The following ASTN2 variants were observed in gnomAD, a reference collection of about 807,000 sequenced individuals.
ASTN2 encodes the protein astrotactin 2.
Under a neutral mutation model 139.8 loss-of-function variants are expected in ASTN2, and 54 were observed. The ratio of observed to expected loss-of-function variants is 0.39; its 90% CI spans 0.31 to 0.48. The LOEUF is 0.48. ASTN2 is among the 20% of genes least tolerant of loss of function. ASTN2 has a pLI of 0.95. For synonymous variants in ASTN2, 756 were observed against 719.5 expected, an observed-to-expected ratio of 1.05 and a Z score of -0.81; for missense variants, 1,565 against 1,725.1, an observed-to-expected ratio of 0.91 and a Z score of 1.64.
At chr9:116,753,844 G>T (rs1347027584) in intron 13 of ASTN2, among the ~76,000 whole-genome samples, 3 of 151,506 alleles carry the variant, frequency 2.0e-5, no homozygotes. Context: ...GAACGTGCAG[G>T]TTTGTTACAT....
chr9:116,460,729 T>G (rs1848462030), intron 20 of ASTN2, among the ~76,000 whole-genome samples: 1 of 152,082 alleles, frequency 6.6e-6, no homozygotes, highest in Non-Finnish European at 1.5e-5. Context: ...AGTTCTTTGT[T>G]TAAAGATGGT....
intron 1 of ASTN2, among the ~76,000 whole-genome samples, chr9:117,310,414 T>C (rs776738263): frequency 6.6e-6 from 1 of 152,150 alleles, no homozygotes; most frequent in African/African-American, 2.4e-5. Flanking sequence ...TTGGCGCTCG[T>C]CTTTCTAGTA....
chr9:116,803,397 C>A (rs991857054), intron 13 of ASTN2, among the ~76,000 whole-genome samples: 2 of 145,350 alleles, frequency 1.4e-5, no homozygotes, highest in African/African-American at 5.0e-5. Flanking sequence ...CTCACTGTAA[C>A]CTTGAATGGC....
intron 3 of ASTN2, among the ~76,000 whole-genome samples, chr9:117,204,290 C>T (rs1341007345): frequency 6.6e-6 from 1 of 152,164 alleles, no homozygotes; most frequent in East Asian, 1.9e-4. Flanking sequence ...AACTCCTGGC[C>T]TCATGTGATC....
chr9:116,456,176 T>C (rs761773192), intron 20 of ASTN2, among the ~76,000 whole-genome samples: 3 of 151,620 alleles, frequency 2.0e-5, no homozygotes, highest in Admixed American at 6.6e-5. Context: ...AGTTGTAGGA[T>C]ACAAAATCAA....
chr9:116,637,932 C>T (rs140121966), intron 17 of ASTN2, among the ~76,000 whole-genome samples: 74 of 152,160 alleles, frequency 4.9e-4, no homozygotes, highest in Non-Finnish European at 1.0e-3. Context: ...AGAGTGAGAC[C>T]TGGTCTCAAA....
Position 116,423,984 on chromosome 9 carries a change from T to C in ASTN2, c.*1867A>G, listed in dbSNP as rs1435882507. Among the ~76,000 whole-genome samples, 1 of 152,208 alleles carries C rather than the reference T, an allele frequency of 6.6e-6. No individual in the cohort carries two copies. Among genetic ancestry groups the C allele is most frequent in the Non-Finnish European group, 1.5e-5 (1 of 68,036 alleles). On this transcript the variant is annotated 3_prime_UTR_variant, in exon 23 of 23. Coordinates refer to ENST00000313400, the MANE Select transcript of ASTN2 (RefSeq NM_001365068.1). Reference sequence around the variant, plus strand: ...TGATATTCAGTATCTTTTCCTCTTCTGAAACCCCACAGTGCTACACTCTCT... The same window carrying C: ...TGATATTCAGTATCTTTTCCTCTTCCGAAACCCCACAGTGCTACACTCTCT...
chr9:116,631,907 A>G (rs1856762735), intron 17 of ASTN2, among the ~76,000 whole-genome samples: 1 of 151,964 alleles, frequency 6.6e-6, no homozygotes, highest in East Asian at 1.9e-4. Context: ...CAAGGTCAAG[A>G]GATGGAGACC....
intron 3 of ASTN2, chr9:117,197,377 G>T (rs1831540979): frequency 6.6e-6 from 1 of 152,178 alleles, no homozygotes; most frequent in African/African-American, 2.4e-5. Context: ...AACAATAGAG[G>T]GTTGCAAAGT....
intron 11 of ASTN2, among the ~76,000 whole-genome samples, chr9:116,835,397 A>C (rs1416443623): frequency 6.6e-6 from 1 of 152,212 alleles, no homozygotes; most frequent in Non-Finnish European, 1.5e-5. Flanking sequence ...CTTTGTAGGG[A>C]AAATTTTGCA....
chr9:116,508,922 C>A (rs1850233395), intron 19 of ASTN2, among the ~76,000 whole-genome samples: 1 of 152,154 alleles, frequency 6.6e-6, no homozygotes, highest in African/African-American at 2.4e-5. Context: ...CAGGTGTCAC[C>A]ATCCAGGTGG....
chr9:116,520,681 G>A (rs1850831429), intron 19 of ASTN2, among the ~76,000 whole-genome samples: 1 of 152,002 alleles, frequency 6.6e-6, no homozygotes, highest in African/African-American at 2.4e-5. Flanking sequence ...GAAATACAGG[G>A]CATCAAATTG....
intron 1 of ASTN2, among the ~76,000 whole-genome samples, chr9:117,337,000 AT>A (rs1828907427): frequency 6.6e-6 from 1 of 152,230 alleles, no homozygotes. Context: ...GCATGAATAA[AT>A]AAGTCACCTA....
intron 4 of ASTN2, among the ~76,000 whole-genome samples, chr9:117,108,219 TTCC>T (rs1456634778): frequency 2.6e-5 from 4 of 152,156 alleles, no homozygotes. Flanking sequence ...GCCCTTGTTA[TTCC>T]CAGTATTCCA....
chr9:116,675,191 C>A (rs1209307419), intron 16 of ASTN2, among the ~76,000 whole-genome samples: 1 of 152,174 alleles, frequency 6.6e-6, no homozygotes, highest in Non-Finnish European at 1.5e-5. Flanking sequence ...TGGTGGGGTA[C>A]TGCTGATCCA....
chr9:117,096,648 G>T (rs1347353525), intron 4 of ASTN2, among the ~76,000 whole-genome samples: 1 of 152,158 alleles, frequency 6.6e-6, no homozygotes. Context: ...GCCAGGCACG[G>T]GATCATAAGC....
At chr9:117,020,900 C>T (rs1044710206) in intron 6 of ASTN2, among the ~76,000 whole-genome samples, 5 of 151,512 alleles carry the variant, frequency 3.3e-5, no homozygotes, top group Admixed American at 1.3e-4. Context: ...CAAACGGAAA[C>T]AAAAGAGACA....
chr9:117,073,905 A>G (rs1211066813), intron 5 of ASTN2, among the ~76,000 whole-genome samples: 1 of 152,194 alleles, frequency 6.6e-6, no homozygotes, highest in Non-Finnish European at 1.5e-5. Flanking sequence ...GAATAAAATG[A>G]AAGTCAGAGA....
At chr9:116,598,546 T>C (rs1388042101) in intron 19 of ASTN2, among the ~76,000 whole-genome samples, 1 of 152,252 alleles carries the variant, frequency 6.6e-6, no homozygotes, top group African/African-American at 2.4e-5. Flanking sequence ...ACAATTGCTT[T>C]TGAACCAACC....
Sources: gnomAD v4.1 joint callset for allele counts (sites outside exome capture counted in the v4.1 genomes callset) on GRCh38, gnomAD v4.1.1 for gene constraint, MANE v1.5 for transcripts, NCBI Gene and HGNC (gene_info 2026-07-23, HGNC 2026-07-21) for gene names.